The following IL19 variants were observed in gnomAD, a reference collection of about 807,000 sequenced individuals.
The protein encoded by IL19 is interleukin-19.
IL19 carries 15 observed loss-of-function variants against 19.5 expected under a neutral mutation model. That is an observed-to-expected ratio of 0.77 (90% confidence interval 0.52 to 1.19). IL19 has a LOEUF of 1.19. Ranked by LOEUF, IL19 falls within the 50% of genes most tolerant of loss-of-function variation. IL19 has a pLI of 0.00. For synonymous variants in IL19, 78 were observed against 78.3 expected (o/e 1.00, Z 0.02); for missense variants, 199 against 213.1 (o/e 0.93, Z 0.41).
chr1:206,830,130 G>C (rs1256903802), intron 2 of IL19, among the ~76,000 whole-genome samples: 1 of 152,174 alleles, frequency 6.6e-6, no homozygotes, highest in Non-Finnish European at 1.5e-5. Context: ...GGCAGCATGG[G>C]GTTAGAAAGG....
At chr1:206,803,998 A>G (rs1675780481) in intron 2 of IL19, among the ~76,000 whole-genome samples, 1 of 152,182 alleles carries the variant, frequency 6.6e-6, no homozygotes, top group Non-Finnish European at 1.5e-5. Context: ...TGAACACTAC[A>G]ATATCAAGTA....
chr1:206,774,966 G>T (rs1358030154), intron 1 of IL19, among the ~76,000 whole-genome samples: 3 of 152,026 alleles, frequency 2.0e-5, no homozygotes, highest in Admixed American at 6.6e-5. Context: ...ATGTCAGGGA[G>T]AAGGGAGGTA....
intron 2 of IL19, among the ~76,000 whole-genome samples, chr1:206,804,756 G>A (rs74879607): frequency 0.018 from 2,816 of 152,282 alleles, 94 homozygotes; most frequent in African/African-American, 0.064. Flanking sequence ...CTTTGTTTGC[G>A]GGTGGAAGAA....
chr1:206,839,996 G>C lies in IL19; in HGVS notation c.357G>C (p.Arg119=). The C allele has an allele frequency of 6.2e-7, 1 of 1,614,176 alleles. No individual in the cohort carries two copies. The highest frequency in any genetic ancestry group is 1.1e-5 in the South Asian group (1 of 91,086). The part of the protein sequence containing the change: ...NSFLYMQKTL[R]QCQEQRQCHC... ...TCCTCTACATGCAGAAAACTCTGCG[G>C]CAATGTGTGAGTCACTGGGTCAGAA... Residue 119 remains arginine (R), a synonymous_variant, in exon 5 of 7, where the codon CGG becomes CGC. Coordinates refer to ENST00000659997, the MANE Select transcript of IL19 (RefSeq NM_153758.5).
intron 2 of IL19, among the ~76,000 whole-genome samples, chr1:206,811,340 A>G (rs1015454046): frequency 1.9e-4 from 29 of 151,098 alleles, no homozygotes; most frequent in African/African-American, 6.6e-4. Flanking sequence ...GCTACTCAGG[A>G]GGCTGAGGCG....
intron 1 of IL19, among the ~76,000 whole-genome samples, chr1:206,776,020 A>T (rs1800890): frequency 0.31 from 47,614 of 152,032 alleles, 8,198 homozygotes; most frequent in Non-Finnish European, 0.4. Flanking sequence ...ATTTTAAATG[A>T]ATTTTTCCAG....
At chr1:206,792,520 G>T (rs1293737686) in intron 1 of IL19, among the ~76,000 whole-genome samples, 1 of 152,072 alleles carries the variant, frequency 6.6e-6, no homozygotes, top group South Asian at 2.1e-4. Flanking sequence ...GGAATTGCAT[G>T]ATCTTGGCTC....
chr1:206,836,974 T>C lies in IL19; in HGVS notation c.161T>C (p.Phe54Ser), dbSNP rs774520871. ...CCTCCACAGCAAGCTAAGGACACCTTCCCAAATGTCACTATCCTGTCCACA... is the reference window on the plus strand; with the variant it reads ...CCTCCACAGCAAGCTAAGGACACCTCCCCAAATGTCACTATCCTGTCCACA... ...IKRAIQAKDT[F>S]PNVTILSTLE... is the part of the protein sequence containing the mutation. The change falls in exon 4 of 7, where the codon TTC (phenylalanine) becomes TCC (serine). Residue 54 changes from phenylalanine (F) to serine (S), a missense_variant. Phe to Ser is a radical substitution (Grantham distance 155). Coordinates refer to ENST00000659997, the MANE Select transcript of IL19 (RefSeq NM_153758.5). 2.6e-5 allele frequency: 42 copies of C among 1,613,910 alleles called. No homozygotes were observed. In the East Asian group the frequency reaches 8.2e-4, roughly 32 times the overall value.
At position 206,842,600 on chromosome 1, in the gene IL19, A is replaced by T; in HGVS notation, c.512A>T (p.His171Leu). Residue 171 changes from histidine (H) to leucine (L), a missense_variant, in exon 7 of 7, where the codon CAT (histidine) becomes CTT (leucine). By Grantham distance (99) the His-to-Leu change is moderately conservative (BLOSUM62 -3). Coordinates refer to ENST00000659997, the MANE Select transcript of IL19 (RefSeq NM_153758.5). ...DVFLAWINKN[H>L]EVMFSA ...TTTCTAGCCTGGATTAATAAGAATC[A>T]TGAAGTAATGTTCTCAGCTTGATGA... 1 of 1,569,666 alleles carries T rather than the reference A, an allele frequency of 6.4e-7. No homozygotes were observed. Among genetic ancestry groups the T allele is most frequent in the South Asian group, 1.2e-5 (1 of 85,584 alleles).
At chr1:206,808,943 G>T (rs1002622053) in intron 2 of IL19, among the ~76,000 whole-genome samples, 1 of 152,186 alleles carries the variant, frequency 6.6e-6, no homozygotes, top group African/African-American at 2.4e-5. Context: ...GGTGCATGAG[G>T]ATTCTGTATG....
rs572434955 is a variant in IL19 at position 206,803,714 on chromosome 1, T to A, written c.-3+4708T>A. Among the ~76,000 whole-genome samples, 9 of 152,164 alleles carry A rather than the reference T, an allele frequency of 5.9e-5. No homozygotes were observed. The East Asian group carries it at 1.7e-3, about 29-fold the overall frequency. On this transcript the variant is annotated intron_variant, in intron 2 of 6. Transcript: ENST00000659997. ...GGACATAGGAGTGATCTGCTTGCAA[T>A]GAGGTTTTTCAACCACCAGGAATGG...
At chr1:206,839,324 T>C (rs2102490789) in intron 4 of IL19, among the ~76,000 whole-genome samples, 1 of 152,126 alleles carries the variant, frequency 6.6e-6, no homozygotes, top group East Asian at 1.9e-4. Context: ...TGGTCCAGAG[T>C]AAGGTGGCCA....
intron 2 of IL19, among the ~76,000 whole-genome samples, chr1:206,799,712 C>T (rs1264756771): frequency 6.6e-6 from 1 of 152,196 alleles, no homozygotes; most frequent in Non-Finnish European, 1.5e-5. Context: ...CAGTTGTCCA[C>T]TTTCCAATCA....
chr1:206,831,222 G>A (rs1676601440), intron 2 of IL19, among the ~76,000 whole-genome samples: 1 of 152,176 alleles, frequency 6.6e-6, no homozygotes, highest in Non-Finnish European at 1.5e-5. Context: ...TAAGGAATTG[G>A]AAGACATGAG....
chr1:206,786,370 C>T (rs1476838507), intron 1 of IL19, among the ~76,000 whole-genome samples: 1 of 152,180 alleles, frequency 6.6e-6, no homozygotes, highest in Non-Finnish European at 1.5e-5. Flanking sequence ...TTCTCTTTCT[C>T]TTCTGGGCTT....
intron 6 of IL19, 137 bp downstream of exon 6, chr1:206,841,215 G>T: frequency 1.5e-6 from 1 of 685,772 alleles, no homozygotes; most frequent in Non-Finnish European, 2.6e-6. Context: ...TCAATTCTCT[G>T]TGTCTGTAAA....
chr1:206,791,828 G>T (rs1675412538), intron 1 of IL19, among the ~76,000 whole-genome samples: 2 of 152,198 alleles, frequency 1.3e-5, no homozygotes, highest in African/African-American at 4.8e-5. Context: ...AAAATAGGTT[G>T]TAACTGCACC....
chr1:206,817,347 C>T (rs1558616763), intron 2 of IL19, among the ~76,000 whole-genome samples: 1 of 152,164 alleles, frequency 6.6e-6, no homozygotes, highest in Admixed American at 6.5e-5. Flanking sequence ...TTGAAGCCAG[C>T]ACAGGGAGAC....
chr1:206,781,296 T>A (rs1235281986), intron 1 of IL19, among the ~76,000 whole-genome samples: 1 of 150,592 alleles, frequency 6.6e-6, no homozygotes, highest in Non-Finnish European at 1.5e-5. Context: ...ATACAAAAAT[T>A]AGCTGGGCGT....
Sources: allele counts gnomAD v4.1 joint callset (sites outside exome capture counted in the v4.1 genomes callset), GRCh38; gene constraint gnomAD v4.1.1; transcripts MANE v1.5; gene names NCBI Gene and HGNC (gene_info 2026-07-23, HGNC 2026-07-21).